LAMC3: variants seen among roughly 807,000 people sequenced by gnomAD.
LAMC3 encodes laminin subunit gamma-3.
A neutral mutation model predicts 173.8 loss-of-function variants in LAMC3; 128 were observed. The ratio of observed to expected loss-of-function variants is 0.74; its 90% CI spans 0.64 to 0.85. LAMC3 has a LOEUF of 0.85. LAMC3 is among the 40% of genes least tolerant of loss of function. LAMC3 has a pLI of 0.00. For missense variants in LAMC3, 2,022 were observed against 2,156.0 expected, an observed-to-expected ratio of 0.94 and a Z score of 1.23; for synonymous variants, 897 against 909.1, an observed-to-expected ratio of 0.99 and a Z score of 0.24.
At chr9:131,067,274 C>A in intron 14 of LAMC3, 69 bp downstream of exon 14, 1 of 1,592,124 alleles carries the variant, frequency 6.3e-7, no homozygotes, top group African/African-American at 1.3e-5. Context: ...TGGCTCAGGG[C>A]CCAGAAGGGG....
At chr9:131,046,516 G>GTTTTTTTTTTTTTTTT (rs1443313320) in intron 8 of LAMC3, among the ~76,000 whole-genome samples, 7 of 38,754 alleles carry the variant, frequency 1.8e-4, no homozygotes, top group Non-Finnish European at 3.3e-4. Flanking sequence ...GCTAATTTTT[G>GTTTTTTTTTTTTTTTT]TATTTTTTTT....
intron 13 of LAMC3, among the ~76,000 whole-genome samples, chr9:131,062,132 G>A (rs1477729937): frequency 3.3e-5 from 5 of 152,158 alleles, no homozygotes; most frequent in Non-Finnish European, 7.3e-5. Context: ...GGAGGCTGAA[G>A]CGGGTGGATC....
At position 131,029,943 on chromosome 9, in the gene LAMC3, CTT is replaced by C. The variant is rs34334770; in HGVS notation, c.679-2086_679-2085del. Among the ~76,000 whole-genome samples the C allele has an allele frequency of 2.2e-3, 312 of 139,050 alleles. No individual in the cohort carries two copies. Among genetic ancestry groups the C allele is most frequent in the African/African-American group, 6.0e-3 (224 of 37,074 alleles). 91.2% of individuals were successfully genotyped at this position (139,050 alleles called of 152,430 possible). A position where few individuals can be genotyped will look rare whatever the true frequency, so the allele number is the denominator to read the frequency against. On this transcript the variant is annotated intron_variant, in intron 2 of 27. Transcript: ENST00000361069. The surrounding 1 kb of genome is among the most constrained non-coding windows in gnomAD (Gnocchi z 4.6). ...TTCAGTGGGGATTGCCCTAAAATGA[CTT>C]TTTTTTTTTTTTTTTGAGACAGTTT...
chr9:131,057,026 C>A lies in LAMC3; in HGVS notation c.2037C>A (p.Tyr679Ter), dbSNP rs367605809. ...WVEICSCPTG[Y>*]TGQFCESCAP... ...AGATTTGTTCATGTCCCACTGGCTA[C>A]ACGGGCCAGTTCTGTGAATCCTGTG... is the stretch of plus-strand genomic sequence containing the variant. The change falls in exon 12 of 28, where the codon TAC (tyrosine) becomes TAA (stop). Residue 679 changes from tyrosine to a stop codon, truncating the protein, a stop_gained. Coordinates refer to ENST00000361069, the MANE Select transcript of LAMC3 (RefSeq NM_006059.4). LOFTEE classifies it high-confidence loss of function. 2 of 1,613,996 alleles carry A rather than the reference C, an allele frequency of 1.2e-6. No individual in the cohort carries two copies. Among genetic ancestry groups the A allele is most frequent in the African/African-American group, 2.7e-5 (2 of 74,954 alleles).
Position 131,061,142 on chromosome 9 carries a change from C to T in LAMC3, c.2266C>T (p.Pro756Ser). Residue 756 changes from proline (P) to serine (S), a missense_variant, in exon 13 of 28, where the codon CCC becomes TCC. Pro to Ser is a moderately conservative substitution (Grantham distance 74). Transcript: ENST00000361069. ...AGQADDCQPC[P>S]CPGQSACTTI... Reference sequence around the variant, plus strand: ...CCAAGCCGACGACTGCCAGCCCTGTCCCTGCCCTGGCCAGTCGGCCTGTAC... The same window carrying T: ...CCAAGCCGACGACTGCCAGCCCTGTTCCTGCCCTGGCCAGTCGGCCTGTAC... 2 of 1,613,544 alleles carry T rather than the reference C, an allele frequency of 1.2e-6. No individual in the cohort carries two copies. The highest frequency in any genetic ancestry group is 1.7e-6 in the Non-Finnish European group (2 of 1,180,010).
intron 7 of LAMC3, among the ~76,000 whole-genome samples, chr9:131,044,590 C>T (rs534350524): frequency 6.6e-6 from 1 of 152,330 alleles, no homozygotes; most frequent in Admixed American, 6.5e-5. Context: ...GTGGTGATTG[C>T]ACAGTGGAGA....
intron 23 of LAMC3, among the ~76,000 whole-genome samples, chr9:131,079,690 C>G (rs755139999): frequency 6.6e-6 from 1 of 151,766 alleles, no homozygotes; most frequent in Non-Finnish European, 1.5e-5. Context: ...GAGACCCCAT[C>G]TCAAAAAAAA....
chr9:131,035,989 A>C (rs1041835475), intron 3 of LAMC3, among the ~76,000 whole-genome samples, 177 bp from the exon 4 acceptor site: 9 of 152,178 alleles, frequency 5.9e-5, no homozygotes, highest in Admixed American at 5.2e-4. Context: ...AGAGCTCACC[A>C]GTACAGTCAG....
chr9:131,017,372 CAGG>C (rs886267685), intron 1 of LAMC3, among the ~76,000 whole-genome samples: 2 of 152,118 alleles, frequency 1.3e-5, no homozygotes, highest in Non-Finnish European at 2.9e-5. Context: ...CTTGCCAAAC[CAGG>C]AGGTGAGAGA....
intron 12 of LAMC3, among the ~76,000 whole-genome samples, chr9:131,058,263 C>A (rs1829734019): frequency 6.6e-6 from 1 of 152,138 alleles, no homozygotes; most frequent in South Asian, 2.1e-4. Context: ...TTACAGACGC[C>A]TGTCACCATC....
At chr9:131,055,423 CTT>C (rs56220728) in intron 11 of LAMC3, among the ~76,000 whole-genome samples, 61 of 109,204 alleles carry the variant, frequency 5.6e-4, no homozygotes, top group Admixed American at 6.6e-4. Flanking sequence ...TCTTTTCTTT[CTT>C]TTTTTTTTTT....
Position 131,091,600 on chromosome 9 carries a change from G to C in LAMC3, c.4541G>C (p.Arg1514Pro). Residue 1514 changes from arginine (R) to proline (P), a missense_variant, in exon 28 of 28, where the codon CGC (arginine) becomes CCC (proline). Physicochemically the swap from Arg to Pro is moderately radical, Grantham distance 103. Transcript: ENST00000361069. ...AACGAGACTCAGTGGGCACTAGAAC[G>C]CCTGAGGCTGCAGCTGGGCTCCCCG... ...ALNETQWALERLRLQLGSPGS... is the reference protein window; with the variant it reads ...ALNETQWALEPLRLQLGSPGS... 1 of 1,592,646 alleles carries C rather than the reference G, an allele frequency of 6.3e-7. No individual in the cohort carries two copies.
chr9:131,052,379 C>A, intron 9 of LAMC3, 112 bp from the exon 10 acceptor site: 1 of 1,003,884 alleles, frequency 1.0e-6, no homozygotes. Context: ...GATTTTCTAC[C>A]CACTGCACTT....
intron 25 of LAMC3, among the ~76,000 whole-genome samples, chr9:131,086,476 C>T (rs1830334271): frequency 6.6e-6 from 1 of 151,546 alleles, no homozygotes. Context: ...AGCACAATCA[C>T]AGCTCACTGC....
chr9:131,022,326 C>T (rs1833640908), intron 1 of LAMC3, among the ~76,000 whole-genome samples: 1 of 152,074 alleles, frequency 6.6e-6, no homozygotes, highest in Non-Finnish European at 1.5e-5. Flanking sequence ...TCAAGTGATC[C>T]TCCCACCTTG....
At chr9:131,075,797 C>A (rs762780519) in intron 20 of LAMC3, 34 bp from the exon 21 acceptor site, 25 of 1,596,974 alleles carry the variant, frequency 1.6e-5, no homozygotes, top group Non-Finnish European at 2.0e-5. Flanking sequence ...CCCTGCGAGC[C>A]CTTGGTAATG....
intron 11 of LAMC3, among the ~76,000 whole-genome samples, chr9:131,056,484 T>C (rs147581241): frequency 2.4e-5 from 3 of 124,176 alleles, no homozygotes; most frequent in Admixed American, 1.7e-4. Context: ...TACCCTTGAA[T>C]TGACAATTTG....
At chr9:131,080,881 G>A (rs1378004906) in intron 23 of LAMC3, among the ~76,000 whole-genome samples, 2 of 152,116 alleles carry the variant, frequency 1.3e-5, no homozygotes, top group African/African-American at 4.8e-5. Flanking sequence ...CAGTACTAGT[G>A]GCTCCTCAAA....
rs1238373057 is a variant in LAMC3 at position 131,072,713 on chromosome 9, A to G, written c.3295A>G (p.Lys1099Glu). The change falls in exon 19 of 28, where the codon AAG becomes GAG. Residue 1099 changes from lysine to glutamate, a missense_variant. Coordinates refer to ENST00000361069, the MANE Select transcript of LAMC3 (RefSeq NM_006059.4). ...AAREQLQRLN[K>E]GARCAQAGSQ... Reference sequence around the variant, plus strand: ...CCGGGAGCAGCTGCAGAGGCTGAACAAGGGTGCCCGCTGTGCCCAGGCCGG... The same window carrying G: ...CCGGGAGCAGCTGCAGAGGCTGAACGAGGGTGCCCGCTGTGCCCAGGCCGG... The G allele has an allele frequency of 2.5e-6, 4 of 1,612,328 alleles. No homozygotes were observed. The Admixed American group carries it at 6.7e-5, about 27-fold the overall frequency.
Sources: gnomAD v4.1 joint callset for allele counts (sites outside exome capture counted in the v4.1 genomes callset) on GRCh38, gnomAD v4.1.1 for gene constraint, Gnocchi (gnomAD v3.1) non-coding constraint, MANE v1.5 for transcripts, NCBI Gene and HGNC (gene_info 2026-07-23, HGNC 2026-07-21) for gene names.